Variants in TNFSF4 observed in about 807,000 individuals in gnomAD.
TNFSF4 encodes the protein tumor necrosis factor ligand superfamily member 4.
A neutral mutation model predicts 7.3 loss-of-function variants in TNFSF4; 4 were observed. That is an observed-to-expected ratio of 0.55 (90% CI 0.27 to 1.25). The LOEUF is 1.25. TNFSF4 is among the 50% of genes most tolerant of loss of function. The pLI is 0.12. For synonymous variants in TNFSF4, 76 were observed against 83.7 expected, an observed-to-expected ratio of 0.91 and a Z score of 0.50; for missense variants, 181 against 208.8, an observed-to-expected ratio of 0.87 and a Z score of 0.82.
the TNFSF4 span, among the ~76,000 whole-genome samples, chr1:173,313,149 A>T: frequency 1.3e-5 from 2 of 152,124 alleles, no homozygotes; most frequent in South Asian, 4.1e-4. Flanking sequence ...GGGGAGGAGG[A>T]GAAAAGGGTC....
At chr1:173,408,245 C>T in the TNFSF4 span, among the ~76,000 whole-genome samples, 1 of 152,266 alleles carries the variant, frequency 6.6e-6, no homozygotes, top group African/African-American at 2.4e-5. Flanking sequence ...TTTGGAATAT[C>T]TTGTTGTTCC....
At chr1:173,385,633 T>G in the TNFSF4 span, among the ~76,000 whole-genome samples, 1 of 152,190 alleles carries the variant, frequency 6.6e-6, no homozygotes, top group Non-Finnish European at 1.5e-5. Context: ...AGCACAGGAG[T>G]TCGAGACCAG....
At chr1:173,372,296 G>A in the TNFSF4 span, among the ~76,000 whole-genome samples, 1 of 151,466 alleles carries the variant, frequency 6.6e-6, no homozygotes, top group Non-Finnish European at 1.5e-5. Context: ...AGATGGCCAG[G>A]CCACTCCATA....
At chr1:173,330,337 T>G in the TNFSF4 span, among the ~76,000 whole-genome samples, 1 of 150,898 alleles carries the variant, frequency 6.6e-6, no homozygotes, top group Non-Finnish European at 1.5e-5. Context: ...TATTATATAT[T>G]GTTATATATG....
the TNFSF4 span, among the ~76,000 whole-genome samples, chr1:173,431,430 C>A: frequency 2.6e-5 from 4 of 152,188 alleles, no homozygotes; most frequent in African/African-American, 9.7e-5. Flanking sequence ...AAGAGCCATG[C>A]GCTGATTGTT....
chr1:173,449,266 C>T, the TNFSF4 span, among the ~76,000 whole-genome samples: 1 of 152,160 alleles, frequency 6.6e-6, no homozygotes, highest in Non-Finnish European at 1.5e-5. Context: ...GTTTCCTGAA[C>T]AGCCTACAGA....
the TNFSF4 span, among the ~76,000 whole-genome samples, chr1:173,354,816 T>C: frequency 6.6e-6 from 1 of 152,248 alleles, no homozygotes; most frequent in Non-Finnish European, 1.5e-5. Context: ...AGACCATATC[T>C]ATCTTTTATT....
the TNFSF4 span, among the ~76,000 whole-genome samples, chr1:173,298,330 T>C: frequency 6.6e-5 from 10 of 151,892 alleles, no homozygotes; most frequent in Non-Finnish European, 1.5e-4. Context: ...AGGGTAAGAA[T>C]GGGAGGAAGA....
At chr1:173,194,941 C>T (rs1649637874) in intron 1 of TNFSF4, among the ~76,000 whole-genome samples, 1 of 150,098 alleles carries the variant, frequency 6.7e-6, no homozygotes, top group Non-Finnish European at 1.5e-5. Context: ...TTACAATATG[C>T]TATGCACTGT....
At chr1:173,317,562 A>T in the TNFSF4 span, among the ~76,000 whole-genome samples, 14 of 152,268 alleles carry the variant, frequency 9.2e-5, no homozygotes, top group Non-Finnish European at 2.1e-4. Flanking sequence ...AGATTTAAAA[A>T]AGGATTTAAT....
At chr1:173,338,788 C>T in the TNFSF4 span, among the ~76,000 whole-genome samples, 2 of 152,274 alleles carry the variant, frequency 1.3e-5, no homozygotes, top group South Asian at 2.1e-4. Flanking sequence ...AATGCTACAA[C>T]GATTCCATTG....
At position 173,205,498 on chromosome 1, in the gene TNFSF4, T is replaced by G. The variant is rs1650148383; in HGVS notation, c.153+1526A>C. On this transcript the variant is annotated intron_variant, in intron 1 of 2. Transcript: ENST00000281834. ...CAACTGTGGTTCACCTTTTGCTCTC[T>G]CCTGCTCAGAGCCGTTGTGCAATCA... 3 of 1,450,068 alleles carry G rather than the reference T, an allele frequency of 2.1e-6. No individual in the cohort carries two copies. In the South Asian group the frequency reaches 4.4e-5, roughly 21 times the overall value. 89.8% of individuals were successfully genotyped at this position (1,450,068 alleles called of 1,614,324 possible). A position where few individuals can be genotyped will look rare whatever the true frequency, so the allele number is the denominator to read the frequency against.
At chr1:173,212,301 A>C (rs899024986), upstream of TNFSF4, among the ~76,000 whole-genome samples, 9 of 152,222 alleles carry the variant, frequency 5.9e-5, no homozygotes, top group Non-Finnish European at 1.0e-4. Context: ...GGAGGGGACA[A>C]ACATCGAAAC....
chr1:173,190,598 T>A (rs970894893), intron 1 of TNFSF4, among the ~76,000 whole-genome samples: 3 of 152,230 alleles, frequency 2.0e-5, no homozygotes, highest in Non-Finnish European at 4.4e-5. Flanking sequence ...CCCCCTTCTC[T>A]GTACTCTTCG....
chr1:173,192,997 T>C (rs942961992), intron 1 of TNFSF4, among the ~76,000 whole-genome samples: 2 of 152,112 alleles, frequency 1.3e-5, no homozygotes, highest in African/African-American at 2.4e-5. Context: ...TTATTCTACA[T>C]AATACTATAT....
the TNFSF4 span, among the ~76,000 whole-genome samples, chr1:173,226,570 G>A: frequency 3.9e-5 from 6 of 152,188 alleles, no homozygotes; most frequent in Admixed American, 3.9e-4. Flanking sequence ...CTGTATTTGG[G>A]TGTCACTTTT....
the TNFSF4 span, among the ~76,000 whole-genome samples, chr1:173,434,105 A>G: frequency 6.6e-6 from 1 of 152,208 alleles, no homozygotes; most frequent in African/African-American, 2.4e-5. Flanking sequence ...CCTGGCTAAC[A>G]CTTTGTTCTC....
intron 1 of TNFSF4, among the ~76,000 whole-genome samples, chr1:173,200,256 T>G (rs917757553): frequency 6.6e-5 from 10 of 152,234 alleles, no homozygotes; most frequent in African/African-American, 2.4e-4. Context: ...CCCTGACCTT[T>G]CTGTGCAAAC....
At chr1:173,244,229 T>C in the TNFSF4 span, among the ~76,000 whole-genome samples, 1 of 152,200 alleles carries the variant, frequency 6.6e-6, no homozygotes, top group Non-Finnish European at 1.5e-5. Context: ...GTCTTAGGGC[T>C]GAGTCCCATG....
Sources: allele counts gnomAD v4.1 joint callset (sites outside exome capture counted in the v4.1 genomes callset), GRCh38; gene constraint gnomAD v4.1.1; transcripts MANE v1.5; gene names NCBI Gene and HGNC (gene_info 2026-07-23, HGNC 2026-07-21).